Variants in TRIM2 observed in about 807,000 individuals in gnomAD.
TRIM2 encodes tripartite motif-containing protein 2.
A neutral mutation model predicts 75.2 loss-of-function variants in TRIM2; 20 were observed. The ratio of observed to expected loss-of-function variants is 0.27; its 90% CI spans 0.19 to 0.39. The LOEUF is 0.39. Among genes scored for constraint, TRIM2 ranks in the 10% least tolerant of loss-of-function variants. The pLI is 1.00. For synonymous variants in TRIM2, 373 were observed against 388.3 expected (o/e 0.96, Z 0.46); for missense variants, 660 against 990.8 (o/e 0.67, Z 4.48).
At chr4:153,152,539 C>T (rs1442138267), upstream of TRIM2, 2 of 151,628 alleles carry the variant, frequency 1.3e-5, no homozygotes, top group African/African-American at 2.4e-5. Flanking sequence ...AAGATTGAGT[C>T]GCTATCAAGG....
intron 1 of TRIM2, among the ~76,000 whole-genome samples, chr4:153,176,283 A>C (rs1206310343): frequency 6.6e-6 from 1 of 151,996 alleles, no homozygotes; most frequent in Non-Finnish European, 1.5e-5. Context: ...GTGCGACCTC[A>C]TGTCTACAAA....
At chr4:153,250,385 G>T (rs1750581291) in intron 1 of TRIM2, among the ~76,000 whole-genome samples, 1 of 152,174 alleles carries the variant, frequency 6.6e-6, no homozygotes. Context: ...CTCCAAAAGT[G>T]CTGGGATTAC....
intron 6 of TRIM2, among the ~76,000 whole-genome samples, chr4:153,296,355 C>T (rs928583435): frequency 2.0e-5 from 3 of 152,170 alleles, no homozygotes; most frequent in African/African-American, 7.2e-5. Context: ...ATAGAAAAAT[C>T]ATAGCACCCG....
At chr4:153,229,306 C>T (rs980920404) in intron 1 of TRIM2, among the ~76,000 whole-genome samples, 3 of 152,202 alleles carry the variant, frequency 2.0e-5, no homozygotes, top group African/African-American at 7.2e-5. Context: ...CACTGTCACT[C>T]AGGCTGGAGT....
At chr4:153,263,589 C>T (rs1440328450) in intron 1 of TRIM2, among the ~76,000 whole-genome samples, 3 of 152,212 alleles carry the variant, frequency 2.0e-5, no homozygotes, top group Non-Finnish European at 4.4e-5. Context: ...AATCTGTGCC[C>T]TTGTAGGCCT....
chr4:153,337,562 T>A lies in TRIM2; in HGVS notation c.*2596T>A. ...TTAAAGTATAGATAACATTTCACACTTGGATACATATGTGCATTTACTGTA... is the reference window on the plus strand; with the variant it reads ...TTAAAGTATAGATAACATTTCACACATGGATACATATGTGCATTTACTGTA... On this transcript the variant is annotated 3_prime_UTR_variant, in exon 12 of 12. Transcript: ENST00000338700. 1.0e-6 allele frequency: 1 copy of A among 985,812 alleles called. No homozygotes were observed. Among genetic ancestry groups the A allele is most frequent in the South Asian group, 4.7e-5 (1 of 21,288 alleles). The allele number at this position is 985,812 out of a possible 1,614,324, so 61.1% of individuals were successfully genotyped here. A position where few individuals can be genotyped will look rare whatever the true frequency, so the allele number is the denominator to read the frequency against.
At chr4:153,234,248 C>T (rs1744419467) in intron 1 of TRIM2, among the ~76,000 whole-genome samples, 1 of 152,124 alleles carries the variant, frequency 6.6e-6, no homozygotes, top group South Asian at 2.1e-4. Context: ...CAGTTTTCTC[C>T]TTGACATCTA....
intron 1 of TRIM2, among the ~76,000 whole-genome samples, chr4:153,198,098 T>G (rs1266369728): frequency 6.6e-6 from 1 of 152,124 alleles, no homozygotes; most frequent in East Asian, 1.9e-4. Context: ...ACAGCCCAAA[T>G]AGACTAAGAC....
intron 9 of TRIM2, 38 bp downstream of exon 9, chr4:153,322,854 G>T (rs2149558452): frequency 6.2e-7 from 1 of 1,610,184 alleles, no homozygotes; most frequent in Non-Finnish European, 8.5e-7. Context: ...CCTTTTTTAT[G>T]CTTCTTCTGC....
At chr4:153,228,688 C>G (rs76741978) in intron 1 of TRIM2, among the ~76,000 whole-genome samples, 3 of 152,358 alleles carry the variant, frequency 2.0e-5, no homozygotes, top group Admixed American at 6.5e-5. Flanking sequence ...GTGGCACACA[C>G]GCTGTACAGC....
Position 153,338,747 on chromosome 4 carries a change from T to C in TRIM2, c.*3781T>C, listed in dbSNP as rs1428199592. ...GAATGTATGAAAGCTATTAATATTC[T>C]AGAATAGATTAATAAATTGGCTATG... On this transcript the variant is annotated 3_prime_UTR_variant, in exon 12 of 12. Coordinates refer to ENST00000338700, the MANE Select transcript of TRIM2 (RefSeq NM_015271.5). 1.0e-6 allele frequency: 1 copy of C among 985,730 alleles called. No homozygotes were observed. Among genetic ancestry groups the C allele is most frequent in the Non-Finnish European group, 1.2e-6 (1 of 829,920 alleles). The allele number at this position is 985,730 out of a possible 1,614,324, so 61.1% of individuals were successfully genotyped here.
chr4:153,290,546 A>G (rs6821136), intron 3 of TRIM2, among the ~76,000 whole-genome samples: 7,245 of 152,280 alleles, frequency 0.048, 526 homozygotes, highest in African/African-American at 0.16. Flanking sequence ...ATAAGGTGCA[A>G]ATGACCAGTA....
chr4:153,326,955 G>C (rs1314080611), intron 10 of TRIM2, among the ~76,000 whole-genome samples: 1 of 143,794 alleles, frequency 7.0e-6, no homozygotes, highest in African/African-American at 2.6e-5. Flanking sequence ...ATTCCAGCCT[G>C]GGTGACAGAA....
intron 8 of TRIM2, among the ~76,000 whole-genome samples, chr4:153,320,949 A>G (rs75713155): frequency 1.3e-4 from 20 of 152,224 alleles, no homozygotes; most frequent in African/African-American, 4.6e-4. Flanking sequence ...CTTTCATAAA[A>G]ACACATAGAT....
rs60193783 is a variant in TRIM2 at position 153,245,287 on chromosome 4, G to A, written c.31-25048G>A. 7.5e-3 allele frequency among the ~76,000 whole-genome samples: 1,143 copies of A among 152,328 alleles called. 17 individuals carry two copies. The highest frequency in any genetic ancestry group is 0.026 in the African/African-American group (1,090 of 41,570). ...ACTGTAGGTATTGTTTTTCATTTAC[G>A]AGGTTTTTGCTATCCTTGGGTTGGT... On this transcript the variant is annotated intron_variant, in intron 1 of 11. Transcript: ENST00000338700.
intron 10 of TRIM2, among the ~76,000 whole-genome samples, chr4:153,325,271 C>A (rs1006798461): frequency 6.6e-6 from 1 of 152,086 alleles, no homozygotes; most frequent in South Asian, 2.1e-4. Context: ...CAGTGGGCTG[C>A]GGAAATGGGG....
In TRIM2 at chr4:153,248,453, G is replaced by C. The variant is rs1226370805; in HGVS notation, c.31-21882G>C. 6.6e-6 allele frequency among the ~76,000 whole-genome samples: 1 copy of C among 152,214 alleles called. No individual in the cohort carries two copies. Among genetic ancestry groups the C allele is most frequent in the Non-Finnish European group, 1.5e-5 (1 of 68,038 alleles). ...ATACAACTTGTAAGTGGCAGAGCCA[G>C]GATCCAAACCCATTCTTGGCTCTAG... On this transcript the variant is annotated intron_variant, in intron 1 of 11. Transcript: ENST00000338700. This position sits in a 1 kb window ranked among gnomAD's most constrained non-coding sequence, Gnocchi z 4.0.
At chr4:153,228,159 C>G (rs180974834) in intron 1 of TRIM2, among the ~76,000 whole-genome samples, 163 of 152,370 alleles carry the variant, frequency 1.1e-3, no homozygotes, top group African/African-American at 3.7e-3. Flanking sequence ...CAGCTACTCT[C>G]TATCCATAAA....
At chr4:153,267,384 C>T (rs1755479526) in intron 1 of TRIM2, among the ~76,000 whole-genome samples, 1 of 152,044 alleles carries the variant, frequency 6.6e-6, no homozygotes, top group Non-Finnish European at 1.5e-5. Flanking sequence ...ATAGTGTGAC[C>T]CCTCATGCCT....
Sources: allele counts gnomAD v4.1 joint callset (sites outside exome capture counted in the v4.1 genomes callset), GRCh38; gene constraint gnomAD v4.1.1; non-coding constraint Gnocchi (gnomAD v3.1); transcripts MANE v1.5; gene names NCBI Gene and HGNC (gene_info 2026-07-23, HGNC 2026-07-21).